The following YJU2 variants were observed in gnomAD, a reference collection of about 807,000 sequenced individuals.
YJU2 encodes YJU2 splicing factor homolog, also known as splicing factor YJU2.
YJU2 carries 28 observed loss-of-function variants against 39.6 expected under a neutral mutation model. That is an observed-to-expected ratio of 0.71 (90% CI 0.52 to 0.97). The LOEUF (loss-of-function observed/expected upper bound fraction) is 0.97. YJU2 is among the 50% of genes least tolerant of loss of function. The pLI, the probability that YJU2 is intolerant of heterozygous loss-of-function variation, is 0.00. For synonymous variants in YJU2, 184 were observed against 182.4 expected (o/e 1.01, Z -0.07); for missense variants, 328 against 430.4 (o/e 0.76, Z 2.11).
Position 4,251,139 on chromosome 19 carries a change from T to C in YJU2, c.238T>C (p.Cys80Arg), listed in dbSNP as rs1165364062. ...GCCCATCTTCCGCTTTTACATCAAGTGCACGCGCTGCCTGGCAGAGATCAC... is the reference window on the plus strand; with the variant it reads ...GCCCATCTTCCGCTTTTACATCAAGCGCACGCGCTGCCTGGCAGAGATCAC... ...GLPIFRFYIK[C>R]TRCLAEITFK... Residue 80 changes from cysteine (C) to arginine (R), a missense_variant, in exon 3 of 8, where the codon TGC becomes CGC. Cys to Arg is a radical substitution (Grantham distance 180). This residue lies in a region of YJU2 where 84 missense variants were observed against 165.8 expected (regional missense o/e 0.51). Coordinates refer to ENST00000262962, the MANE Select transcript of YJU2 (RefSeq NM_018074.6). 1 of 1,614,116 alleles carries C rather than the reference T, an allele frequency of 6.2e-7. No individual in the cohort carries two copies. Among genetic ancestry groups the C allele is most frequent in the Non-Finnish European group, 8.5e-7 (1 of 1,180,020 alleles).
chr19:4,257,776 T>C (rs1043481728), intron 4 of YJU2, among the ~76,000 whole-genome samples: 8 of 151,996 alleles, frequency 5.3e-5, no homozygotes, highest in Non-Finnish European at 1.0e-4. Context: ...ACCCAGCCTG[T>C]ATTTTTAGTA....
At position 4,247,094 on chromosome 19, in the gene YJU2, A is replaced by G. The variant is rs1225510262; in HGVS notation, c.-53A>G. Reference sequence around the variant, plus strand: ...AGGCTTCCGTCGGAAAAGCTCGATAATTACCCAGCCTAACCATTTCTCAGG... The same window carrying G: ...AGGCTTCCGTCGGAAAAGCTCGATAGTTACCCAGCCTAACCATTTCTCAGG... On this transcript the variant is annotated 5_prime_UTR_variant, in exon 1 of 8. Coordinates refer to ENST00000262962, the MANE Select transcript of YJU2 (RefSeq NM_018074.6). 1 of 1,581,920 alleles carries G rather than the reference A, an allele frequency of 6.3e-7. No homozygotes were observed. Among genetic ancestry groups the G allele is most frequent in the African/African-American group, 1.3e-5 (1 of 74,312 alleles).
chr19:4,251,992 G>GA (rs367551718), intron 3 of YJU2, among the ~76,000 whole-genome samples: 2 of 144,706 alleles, frequency 1.4e-5, no homozygotes, highest in Non-Finnish European at 1.5e-5. Context: ...GTCTCAAAAA[G>GA]AAAAAAAAAA....
chr19:4,251,777 A>G (rs1266301545), intron 3 of YJU2, among the ~76,000 whole-genome samples: 2 of 152,044 alleles, frequency 1.3e-5, no homozygotes, highest in Non-Finnish European at 2.9e-5. Flanking sequence ...CCCTGAGGTC[A>G]GGAGTTTGAG....
intron 5 of YJU2, among the ~76,000 whole-genome samples, chr19:4,260,073 G>C (rs924246867): frequency 2.0e-5 from 3 of 151,990 alleles, no homozygotes; most frequent in Non-Finnish European, 4.4e-5. Context: ...GGCTGGTTCC[G>C]GCATCCAGGC....
At chr19:4,267,437 G>A (rs1398458241) in intron 6 of YJU2, among the ~76,000 whole-genome samples, 187 bp from the exon 7 acceptor site, 1 of 152,208 alleles carries the variant, frequency 6.6e-6, no homozygotes, top group Non-Finnish European at 1.5e-5. Context: ...GATGGAGAAT[G>A]GGCAGAGGCC....
At position 4,254,597 on chromosome 19, in the gene YJU2, G is replaced by C. The variant is rs370039071; in HGVS notation, c.405+108G>C. ...CAGGTCCCCAAGGAAGGAAGATGGGGTGGGGGGCGTGGTTGGTAAAACTTT... is the reference window on the plus strand; with the variant it reads ...CAGGTCCCCAAGGAAGGAAGATGGGCTGGGGGGCGTGGTTGGTAAAACTTT... On this transcript the variant is annotated intron_variant, in intron 4 of 7. Coordinates refer to ENST00000262962, the MANE Select transcript of YJU2 (RefSeq NM_018074.6). 30 of 1,420,488 alleles carry C rather than the reference G, an allele frequency of 2.1e-5. No individual in the cohort carries two copies. In the African/African-American group the frequency reaches 2.8e-4, roughly 13 times the overall value. 88.0% of individuals were successfully genotyped at this position (1,420,488 alleles called of 1,614,324 possible). A position where few individuals can be genotyped will look rare whatever the true frequency, so the allele number is the denominator to read the frequency against.
chr19:4,269,012 C>G lies in YJU2; in HGVS notation c.*316C>G. 1 of 335,216 alleles carries G rather than the reference C, an allele frequency of 3.0e-6. No homozygotes were observed. Among genetic ancestry groups the G allele is most frequent in the South Asian group, 3.8e-5 (1 of 26,294 alleles). 20.8% of individuals were successfully genotyped at this position (335,216 alleles called of 1,614,324 possible). On this transcript the variant is annotated 3_prime_UTR_variant, in exon 8 of 8. Transcript: ENST00000262962. ...GGGTGGCAGTGTTTGGGGCACTGGG[C>G]GAGCCTGCCGGCCTCTAGATGGCCT... is the stretch of plus-strand genomic sequence containing the variant.
chr19:4,250,502 C>T (rs28493741), intron 2 of YJU2, among the ~76,000 whole-genome samples: 3,728 of 152,084 alleles, frequency 0.025, 105 homozygotes, highest in African/African-American at 0.067. Context: ...AGCTGGGGTA[C>T]GGTGACATCA....
At chr19:4,264,261 C>CAAA (rs748910280) in intron 6 of YJU2, among the ~76,000 whole-genome samples, 46 of 43,920 alleles carry the variant, frequency 1.0e-3, no homozygotes, top group South Asian at 1.2e-3. Flanking sequence ...GACTCTGTCT[C>CAAA]AAAAAAAAAA....
chr19:4,255,328 A>C (rs754183108), intron 4 of YJU2, among the ~76,000 whole-genome samples: 2 of 152,154 alleles, frequency 1.3e-5, no homozygotes, highest in African/African-American at 2.4e-5. Flanking sequence ...TTGAACCTGT[A>C]GTCCCAGCTA....
rs1180187097 is a variant in YJU2 at position 4,267,691 on chromosome 19, C to T, written c.776C>T (p.Pro259Leu). ...QSVGSLGSRP[P>L]LSRLVVVKKA... ...GTTGGCAGCCTGGGCAGCCGGCCCC[C>T]GCTGTCGAGGCTGGTCGTGGTGAAG... Residue 259 changes from proline to leucine, a missense_variant, in exon 7 of 8, where the codon CCG becomes CTG. By Grantham distance (98) the Pro-to-Leu change is moderately conservative. Coordinates refer to ENST00000262962, the MANE Select transcript of YJU2 (RefSeq NM_018074.6). 4.3e-6 allele frequency: 7 copies of T among 1,613,366 alleles called. No homozygotes were observed. The highest frequency in any genetic ancestry group is 4.0e-5 in the African/African-American group (3 of 74,926).
chr19:4,267,571 G>C, intron 6 of YJU2, 53 bp from the exon 7 acceptor site: 1 of 1,588,700 alleles, frequency 6.3e-7, no homozygotes, highest in Non-Finnish European at 8.6e-7. Context: ...CGAGGGGCCA[G>C]ACTGGGCCCT....
intron 6 of YJU2, among the ~76,000 whole-genome samples, chr19:4,262,444 C>T (rs527898790): frequency 9.9e-5 from 15 of 152,110 alleles, no homozygotes; most frequent in African/African-American, 3.1e-4. Flanking sequence ...GTGATCCGCC[C>T]GCCTAGGCCT....
Position 4,247,549 on chromosome 19 carries a change from C to T in YJU2, c.24+379C>T, listed in dbSNP as rs1488748072. ...GCCCCACTTGGGGACTGTAACCAAT[C>T]GTGTACTTTGGGTGGGGTGGGGTGG... On this transcript the variant is annotated intron_variant, in intron 1 of 7. Coordinates refer to ENST00000262962, the MANE Select transcript of YJU2 (RefSeq NM_018074.6). 4.2e-5 allele frequency among the ~76,000 whole-genome samples: 5 copies of T among 118,630 alleles called. No individual in the cohort carries two copies. The East Asian group carries it at 1.3e-3, about 32-fold the overall frequency. The allele number at this position is 118,630 out of a possible 152,430, so 77.8% of individuals were successfully genotyped here.
At chr19:4,265,516 C>CT (rs1225036618) in intron 6 of YJU2, among the ~76,000 whole-genome samples, 2 of 152,100 alleles carry the variant, frequency 1.3e-5, no homozygotes, top group Admixed American at 6.6e-5. Context: ...GTCCTCCCGC[C>CT]TTGGCCTCCC....
intron 3 of YJU2, among the ~76,000 whole-genome samples, chr19:4,252,230 C>G (rs2144689838): frequency 6.6e-6 from 1 of 150,974 alleles, no homozygotes; most frequent in East Asian, 2.0e-4. Context: ...GAGGCCAAGG[C>G]AAGTGGATCA....
At chr19:4,257,163 C>T (rs150154263) in intron 4 of YJU2, among the ~76,000 whole-genome samples, 94 of 152,218 alleles carry the variant, frequency 6.2e-4, no homozygotes, top group African/African-American at 8.7e-4. Context: ...CCACCAGACT[C>T]GCCTCCCTCA....
rs367888857 is a variant in YJU2, at chr19:4,269,021, C to A, written c.*325C>A. 4 of 320,578 alleles carry A rather than the reference C, an allele frequency of 1.2e-5. No homozygotes were observed. Among genetic ancestry groups the A allele is most frequent in the Admixed American group, 9.0e-5 (2 of 22,276 alleles). 19.9% of individuals were successfully genotyped at this position (320,578 alleles called of 1,614,324 possible). On this transcript the variant is annotated 3_prime_UTR_variant, in exon 8 of 8. Coordinates refer to ENST00000262962, the MANE Select transcript of YJU2 (RefSeq NM_018074.6). ...TGTTTGGGGCACTGGGCGAGCCTGC[C>A]GGCCTCTAGATGGCCTCATCTCTTC...
Sources: gnomAD v4.1 joint callset for allele counts (sites outside exome capture counted in the v4.1 genomes callset) on GRCh38, gnomAD v4.1.1 for gene constraint, gnomAD v4.1.1 regional missense constraint, MANE v1.5 for transcripts, NCBI Gene and HGNC (gene_info 2026-07-23, HGNC 2026-07-21) for gene names.